The following RABGGTB variants were observed in gnomAD, a reference collection of about 807,000 sequenced individuals.
The protein encoded by RABGGTB is Rab geranylgeranyltransferase subunit beta, also known as geranylgeranyl transferase type-2 subunit beta.
RABGGTB carries 20 observed loss-of-function variants against 44.5 expected under a neutral mutation model. That is an observed-to-expected ratio of 0.45 (90% CI 0.32 to 0.65). The LOEUF (loss-of-function observed/expected upper bound fraction) is 0.65, where lower values mean the gene tolerates loss of function less well. Ranked by LOEUF, RABGGTB falls within the 30% of genes least tolerant of loss-of-function variation. RABGGTB has a pLI of 0.05. For missense variants in RABGGTB, 302 were observed against 398.7 expected, an observed-to-expected ratio of 0.76 and a Z score of 2.06; for synonymous variants, 128 against 136.7, an observed-to-expected ratio of 0.94 and a Z score of 0.44.
At chr1:75,793,972 G>A in intron 7 of RABGGTB, 112 bp from the exon 8 acceptor site, 1 of 1,118,210 alleles carries the variant, frequency 8.9e-7, no homozygotes. Flanking sequence ...CACATGGTTT[G>A]ACACTTTGAA....
chr1:75,790,072 A>G lies in RABGGTB; in HGVS notation c.415+15A>G. The G allele has an allele frequency of 1.2e-6, 2 of 1,611,004 alleles. No homozygotes were observed. Among genetic ancestry groups the G allele is most frequent in the Non-Finnish European group, 1.7e-6 (2 of 1,177,956 alleles). On this transcript the variant is annotated intron_variant, in intron 4 of 8. Transcript: ENST00000319942. ...AGATATTTGGGGTAATGTCAGATTT[A>G]GTCCATTCTACCCAAAATACCAATA... is the stretch of plus-strand genomic sequence containing the variant.
chr1:75,790,308 C>T, intron 4 of RABGGTB: 1 of 1,231,028 alleles, frequency 8.1e-7, no homozygotes. Context: ...TATTTGGTGG[C>T]TTTGTAAAGT....
chr1:75,789,445 A>C, intron 3 of RABGGTB, 89 bp downstream of exon 3: 1 of 1,364,154 alleles, frequency 7.3e-7, no homozygotes, highest in Non-Finnish European at 1.0e-6. Flanking sequence ...ATTTGGTCAA[A>C]AAGTTTTGTT....
chr1:75,794,672 A>T lies in RABGGTB; in HGVS notation c.*22A>T, dbSNP rs375522669. 181 of 1,567,126 alleles carry T rather than the reference A, an allele frequency of 1.2e-4. No homozygotes were observed. Among genetic ancestry groups the T allele is most frequent in the Non-Finnish European group, 1.5e-4 (176 of 1,154,128 alleles). On this transcript the variant is annotated 3_prime_UTR_variant, in exon 9 of 9. Coordinates refer to ENST00000319942, the MANE Select transcript of RABGGTB (RefSeq NM_004582.4). Reference sequence around the variant, plus strand: ...CTAGATTCATTGAATTGAAAGTTGCATAGTATAGTTTTGCCATTTTAACAT... The same window carrying T: ...CTAGATTCATTGAATTGAAAGTTGCTTAGTATAGTTTTGCCATTTTAACAT...
intron 1 of RABGGTB, chr1:75,787,180 G>T (rs762781358): frequency 1.0e-5 from 6 of 585,316 alleles, no homozygotes; most frequent in Middle Eastern, 2.8e-4. Context: ...CTAAGACGAA[G>T]CCTGAATGAT....
intron 1 of RABGGTB, chr1:75,787,041 A>G (rs765008938): frequency 5.8e-6 from 3 of 514,410 alleles, no homozygotes; most frequent in South Asian, 4.3e-5. Flanking sequence ...ATGAAAAGTG[A>G]ACAACAAGAA....
chr1:75,791,699 C>G (rs747089171), intron 6 of RABGGTB, 128 bp downstream of exon 6: 3 of 764,146 alleles, frequency 3.9e-6, no homozygotes, highest in Non-Finnish European at 4.2e-6. Context: ...GGGCATCTTA[C>G]ATAAGAATTG....
At chr1:75,787,260 T>G (rs1649517028) in intron 1 of RABGGTB, 1 of 635,666 alleles carries the variant, frequency 1.6e-6, no homozygotes, top group Non-Finnish European at 2.9e-6. Context: ...TGAGTCGGTC[T>G]CCGGTCGCCC....
intron 1 of RABGGTB, 64 bp downstream of exon 1, chr1:75,786,338 A>G: frequency 6.3e-7 from 1 of 1,592,118 alleles, no homozygotes. Context: ...AGTAGGGTTA[A>G]GCACACTGGT....
chr1:75,794,487 T>C (rs766621279), intron 8 of RABGGTB, 23 bp from the exon 9 acceptor site: 2 of 1,599,880 alleles, frequency 1.3e-6, no homozygotes, highest in Admixed American at 3.4e-5. Context: ...TTGTGATCTG[T>C]ATATAAATTC....
At chr1:75,787,281 G>T in intron 1 of RABGGTB, 1 of 622,614 alleles carries the variant, frequency 1.6e-6, no homozygotes, top group Admixed American at 2.6e-5. Context: ...AGGATGGAGT[G>T]CAGTGACACA....
chr1:75,786,460 C>T (rs1471763117), intron 1 of RABGGTB, among the ~76,000 whole-genome samples, 186 bp downstream of exon 1: 1 of 152,124 alleles, frequency 6.6e-6, no homozygotes, highest in African/African-American at 2.4e-5. Flanking sequence ...CGGGCAATGC[C>T]GCTTCTAATT....
At chr1:75,786,568 T>A (rs1241664995) in intron 1 of RABGGTB, 1 of 415,104 alleles carries the variant, frequency 2.4e-6, no homozygotes, top group Non-Finnish European at 4.3e-6. Flanking sequence ...TGGCTTTTTT[T>A]TTTCTTGGAG....
intron 6 of RABGGTB, chr1:75,791,916 A>G: frequency 2.5e-6 from 1 of 405,310 alleles, no homozygotes; most frequent in Non-Finnish European, 4.4e-6. Context: ...TTCTTGTGCC[A>G]GAGAACACTG....
intron 1 of RABGGTB, 48 bp downstream of exon 1, chr1:75,786,322 G>C (rs200415420): frequency 1.2e-6 from 2 of 1,609,416 alleles, no homozygotes; most frequent in Admixed American, 1.7e-5. Context: ...GTAGCAGACA[G>C]GGTGGAGTAG....
In RABGGTB at chr1:75,789,292, G is replaced by T; in HGVS notation, c.245G>T (p.Cys82Phe). The T allele has an allele frequency of 1.9e-6, 3 of 1,614,128 alleles. No individual in the cohort carries two copies. The highest frequency in any genetic ancestry group is 2.5e-6 in the Non-Finnish European group (3 of 1,180,002). ...TTTATTAAGTCTTGCCAACATGAAT[G>T]TGGTGGAATAAGTGCTAGTATCGGA... ...LAFIKSCQHECGGISASIGHD... is the reference protein window; with the variant it reads ...LAFIKSCQHEFGGISASIGHD... Residue 82 changes from cysteine (C) to phenylalanine (F), a missense_variant, in exon 3 of 9, where the codon TGT becomes TTT. Around this residue, in one of 2 missense-constraint regions of RABGGTB, gnomAD observed 213 missense variants for 323.7 expected, o/e 0.66. Transcript: ENST00000319942.
chr1:75,787,551 T>C lies in RABGGTB; in HGVS notation c.58T>C (p.Leu20=), dbSNP rs758563844. Residue 20 remains leucine (L), a synonymous_variant, in exon 2 of 9, where the codon TTG becomes CTG. Coordinates refer to ENST00000319942, the MANE Select transcript of RABGGTB (RefSeq NM_004582.4). ...GTCAGATGCACCGGACACTTTGTTA[T>C]TGGAGAAACATGCAGATTATATCGC... ...IKSDAPDTLL[L]EKHADYIASY... is the part of the protein sequence containing the mutation. The C allele has an allele frequency of 8.4e-5, 135 of 1,613,994 alleles. No homozygotes were observed. Among genetic ancestry groups the C allele is most frequent in the Non-Finnish European group, 1.1e-4 (134 of 1,179,966 alleles).
intron 4 of RABGGTB, 27 bp from the exon 5 acceptor site, chr1:75,791,258 C>T (rs1267752879): frequency 6.3e-7 from 1 of 1,583,844 alleles, no homozygotes; most frequent in Non-Finnish European, 8.7e-7. Flanking sequence ...GTAACACCTG[C>T]CTTGATTTGA....
rs377334145 is a variant in RABGGTB, at chr1:75,791,587, A to G, written c.579+16A>G. 2.0e-5 allele frequency: 31 copies of G among 1,571,082 alleles called. No individual in the cohort carries two copies. The highest frequency in any genetic ancestry group is 4.6e-4 in the Middle Eastern group (2 of 4,386). On this transcript the variant is annotated intron_variant, in intron 6 of 8. Coordinates refer to ENST00000319942, the MANE Select transcript of RABGGTB (RefSeq NM_004582.4). The stretch of plus-strand genomic sequence containing the variant: ...TGCTGGGCAGGTAATTTATGAATAC[A>G]GATGAAAATGTATTGTCATTTTGGA...
Sources: allele counts gnomAD v4.1 joint callset (sites outside exome capture counted in the v4.1 genomes callset), GRCh38; gene constraint gnomAD v4.1.1; regional missense constraint gnomAD v4.1.1; transcripts MANE v1.5; gene names NCBI Gene and HGNC (gene_info 2026-07-23, HGNC 2026-07-21).